HSD17B4: variants seen among roughly 807,000 people sequenced by gnomAD.
HSD17B4 encodes peroxisomal multifunctional enzyme type 2.
Under a neutral mutation model 101.0 loss-of-function variants are expected in HSD17B4, and 70 were observed. The observed-to-expected ratio is 0.69, with a 90% CI of 0.57 to 0.85. The LOEUF (loss-of-function observed/expected upper bound fraction) is 0.85, where lower values mean the gene tolerates loss of function less well. Ranked by LOEUF, HSD17B4 falls within the 40% of genes least tolerant of loss-of-function variation. The pLI is 0.00. For missense variants in HSD17B4, 984 were observed against 892.4 expected, an observed-to-expected ratio of 1.10 and a Z score of -1.31; for synonymous variants, 347 against 297.1, an observed-to-expected ratio of 1.17 and a Z score of -1.73.
At chr5:119,501,974 A>G in intron 13 of HSD17B4, 67 bp from the exon 14 acceptor site, 4 of 907,624 alleles carry the variant, frequency 4.4e-6, no homozygotes, top group South Asian at 1.3e-5. Context: ...TGCGAGTAAC[A>G]GTATCCATAG....
At chr5:119,514,270 C>T (rs3797364) in intron 16 of HSD17B4, among the ~76,000 whole-genome samples, 10,149 of 152,104 alleles carry the variant, frequency 0.067, 914 homozygotes, top group East Asian at 0.42. Flanking sequence ...CTAAGTGTGG[C>T]ATTTTAGTAA....
At chr5:119,534,595 A>G (rs1197791189) in intron 22 of HSD17B4, among the ~76,000 whole-genome samples, 1 of 152,084 alleles carries the variant, frequency 6.6e-6, no homozygotes, top group Non-Finnish European at 1.5e-5. Context: ...CTAGCAGTCA[A>G]ACCAGATTGC....
At chr5:119,475,352 C>T (rs1218785156) in intron 4 of HSD17B4, among the ~76,000 whole-genome samples, 2 of 152,016 alleles carry the variant, frequency 1.3e-5, no homozygotes, top group Admixed American at 1.3e-4. Context: ...CTTTAACTTG[C>T]TAAGTGAATT....
chr5:119,501,534 C>G (rs1751165398), intron 13 of HSD17B4, among the ~76,000 whole-genome samples: 1 of 152,068 alleles, frequency 6.6e-6, no homozygotes, highest in Non-Finnish European at 1.5e-5. Flanking sequence ...AGATAATTTA[C>G]AAAGTATTAT....
Position 119,502,092 on chromosome 5 carries a change from G to C in HSD17B4, c.1261G>C (p.Gly421Arg). 2 of 1,579,782 alleles carry C rather than the reference G, an allele frequency of 1.3e-6. No homozygotes were observed. Among genetic ancestry groups the C allele is most frequent in the Non-Finnish European group, 1.7e-6 (2 of 1,149,016 alleles). The stretch of plus-strand genomic sequence containing the variant: ...GTTATATAAACCACTTCCCAGAGCA[G>C]GTGAGTTATTGATATACTAATTCCA... Reference protein sequence around the residue: ...LELYKPLPRAGKLKCEAVVAD... With the variant: ...LELYKPLPRARKLKCEAVVAD... Residue 421 changes from glycine (G) to arginine (R), a missense_variant and splice_region_variant, in exon 14 of 24, where the codon GGA becomes CGA. Gly to Arg is a moderately radical substitution (Grantham distance 125). Coordinates refer to ENST00000510025, the MANE Select transcript of HSD17B4 (RefSeq NM_000414.4).
At chr5:119,468,196 G>A (rs1166193255) in intron 2 of HSD17B4, among the ~76,000 whole-genome samples, 3 of 151,916 alleles carry the variant, frequency 2.0e-5, no homozygotes, top group East Asian at 3.9e-4. Flanking sequence ...TTGTGTATGT[G>A]CTCTGCCAGT....
chr5:119,455,568 C>CTCTATATATATATA (rs35030315), intron 1 of HSD17B4, among the ~76,000 whole-genome samples: 1 of 136,474 alleles, frequency 7.3e-6, no homozygotes, highest in African/African-American at 2.8e-5. Context: ...CTCTCTCTCT[C>CTCTATATATATATA]TATATATATA....
At chr5:119,510,191 T>G (rs1402009756) in intron 16 of HSD17B4, among the ~76,000 whole-genome samples, 2 of 152,188 alleles carry the variant, frequency 1.3e-5, no homozygotes, top group Non-Finnish European at 2.9e-5. Flanking sequence ...CCTTGCTGAG[T>G]TAAGTATAAT....
intron 22 of HSD17B4, among the ~76,000 whole-genome samples, chr5:119,535,385 G>A (rs1342896384): frequency 6.6e-6 from 1 of 151,756 alleles, no homozygotes; most frequent in Non-Finnish European, 1.5e-5. Context: ...GTCCCATCTG[G>A]GATTATACAT....
chr5:119,531,200 A>G (rs1210526018), intron 21 of HSD17B4, 66 bp from the exon 22 acceptor site: 3 of 1,524,434 alleles, frequency 2.0e-6, no homozygotes, highest in Non-Finnish European at 2.7e-6. Context: ...CACATGTTTT[A>G]TAATCACTTT....
Position 119,529,933 on chromosome 5 carries a change from G to A in HSD17B4, c.1807G>A (p.Val603Met). Residue 603 changes from valine (V) to methionine (M), a missense_variant, in exon 21 of 24, where the codon GTG becomes ATG. Val to Met is a conservative substitution (Grantham distance 21). Transcript: ENST00000510025. ...TGDIVISNAY[V>M]DLAPTSGTSA... ...AGACATTGTCATTTCAAATGCATAT[G>A]TGGATCTTGCACCAACATCTGGTAC... 6.2e-7 allele frequency: 1 copy of A among 1,610,798 alleles called. No individual in the cohort carries two copies. The highest frequency in any genetic ancestry group is 1.1e-5 in the South Asian group (1 of 91,024).
intron 21 of HSD17B4, among the ~76,000 whole-genome samples, chr5:119,530,746 A>T (rs1415183099): frequency 6.6e-6 from 1 of 150,888 alleles, no homozygotes; most frequent in African/African-American, 2.4e-5. Context: ...CCAGCTACTC[A>T]AGAAGCTGAA....
At chr5:119,464,579 T>C (rs1755620029) in intron 2 of HSD17B4, 1 of 152,084 alleles carries the variant, frequency 6.6e-6, no homozygotes, top group African/African-American at 2.4e-5. Flanking sequence ...CATTGCTGTT[T>C]GAGTAGCTAT....
intron 8 of HSD17B4, among the ~76,000 whole-genome samples, chr5:119,484,553 G>A (rs1472599834): frequency 1.3e-5 from 2 of 151,880 alleles, no homozygotes; most frequent in East Asian, 3.9e-4. Context: ...GTGGCTTTTG[G>A]TACTCTTGGT....
At chr5:119,540,518 G>A (rs144258637) in intron 23 of HSD17B4, among the ~76,000 whole-genome samples, 2 of 152,286 alleles carry the variant, frequency 1.3e-5, no homozygotes, top group East Asian at 3.9e-4. Flanking sequence ...CTCTTTCAGA[G>A]TTTAGTACAT....
chr5:119,466,827 A>G (rs973000535), intron 2 of HSD17B4, among the ~76,000 whole-genome samples: 1 of 150,802 alleles, frequency 6.6e-6, no homozygotes, highest in Non-Finnish European at 1.5e-5. Context: ...CTGATTTTGG[A>G]TTTGGTTCTT....
chr5:119,464,411 T>A (rs1318103271), intron 2 of HSD17B4, among the ~76,000 whole-genome samples: 2 of 152,302 alleles, frequency 1.3e-5, no homozygotes, highest in Admixed American at 1.3e-4. Flanking sequence ...CATATGGATA[T>A]CCAGTTTTCC....
In HSD17B4 at chr5:119,542,103, C is replaced by G; in HGVS notation, c.*109C>G. On this transcript the variant is annotated 3_prime_UTR_variant, in exon 24 of 24. Transcript: ENST00000510025. ...TAGAACTAAGATGCAGGGGAAATTGCTTAACATTTTCAGATATCAGATAAC... is the reference window on the plus strand; with the variant it reads ...TAGAACTAAGATGCAGGGGAAATTGGTTAACATTTTCAGATATCAGATAAC... The G allele has an allele frequency of 1.3e-6, 1 of 759,188 alleles. No individual in the cohort carries two copies. The highest frequency in any genetic ancestry group is 2.1e-5 in the Admixed American group (1 of 48,772). The allele number at this position is 759,188 out of a possible 1,614,324, so 47.0% of individuals were successfully genotyped here. A position where few individuals can be genotyped will look rare whatever the true frequency, so the allele number is the denominator to read the frequency against.
At chr5:119,480,007 T>G (rs1355347666) in intron 8 of HSD17B4, among the ~76,000 whole-genome samples, 2 of 152,210 alleles carry the variant, frequency 1.3e-5, no homozygotes, top group Non-Finnish European at 1.5e-5. Context: ...GCATTTTTTA[T>G]TGTCAGTATT....
Sources: gnomAD v4.1 joint callset for allele counts (sites outside exome capture counted in the v4.1 genomes callset) on GRCh38, gnomAD v4.1.1 for gene constraint, MANE v1.5 for transcripts, NCBI Gene and HGNC (gene_info 2026-07-23, HGNC 2026-07-21) for gene names.